KIAA0319: variants seen among roughly 807,000 people sequenced by gnomAD.
KIAA0319 encodes the protein dyslexia-associated protein KIAA0319.
Under a neutral mutation model 108.4 loss-of-function variants are expected in KIAA0319, and 83 were observed. That is an observed-to-expected ratio of 0.77 (90% CI 0.64 to 0.92). The LOEUF (loss-of-function observed/expected upper bound fraction) is 0.92, where lower values mean the gene tolerates loss of function less well. Among genes scored for constraint, KIAA0319 ranks in the 40% least tolerant of loss-of-function variants. The pLI, the probability that KIAA0319 is intolerant of heterozygous loss-of-function variation, is 0.00. For missense variants in KIAA0319, 1,195 were observed against 1,322.4 expected (o/e 0.90, Z 1.49); for synonymous variants, 484 against 510.4 (o/e 0.95, Z 0.70).
At position 24,599,855 on chromosome 6, in the gene KIAA0319, C is replaced by T; in HGVS notation, c.55+1194G>A. 2.4e-6 allele frequency: 1 copy of T among 425,116 alleles called. No homozygotes were observed. The highest frequency in any genetic ancestry group is 4.4e-6 in the Non-Finnish European group (1 of 225,422). The allele number at this position is 425,116 out of a possible 1,614,324, so 26.3% of individuals were successfully genotyped here. A position where few individuals can be genotyped will look rare whatever the true frequency, so the allele number is the denominator to read the frequency against. On this transcript the variant is annotated intron_variant, in intron 2 of 20. Transcript: ENST00000378214. The surrounding 1 kb of genome is among the most constrained non-coding windows in gnomAD (Gnocchi z 4.1). The stretch of plus-strand genomic sequence containing the variant: ...CTGCCCCAGAGCCTGTGGGGGAGGC[C>T]ACTGTGCAGGGGAGCATAGGGAACA...
intron 16 of KIAA0319, among the ~76,000 whole-genome samples, chr6:24,560,461 C>T (rs934012654): frequency 7.2e-5 from 11 of 152,180 alleles, no homozygotes; most frequent in African/African-American, 2.7e-4. Flanking sequence ...TAATGGTGAG[C>T]ACCTTTTCAT....
intron 1 of KIAA0319, among the ~76,000 whole-genome samples, chr6:24,613,405 G>A (rs1772670626): frequency 9.2e-5 from 14 of 151,840 alleles, no homozygotes; most frequent in Admixed American, 9.2e-4. Context: ...ATAGTGTTTT[G>A]TCTGGCAACT....
intron 1 of KIAA0319, among the ~76,000 whole-genome samples, chr6:24,640,166 T>G (rs1380311217): frequency 6.6e-6 from 1 of 152,160 alleles, no homozygotes; most frequent in East Asian, 1.9e-4. Context: ...TTTCAATTTT[T>G]TAAAGTAAAT....
At position 24,599,774 on chromosome 6, in the gene KIAA0319, T is replaced by C; in HGVS notation, c.55+1275A>G. 1 of 506,898 alleles carries C rather than the reference T, an allele frequency of 2.0e-6. No individual in the cohort carries two copies. Among genetic ancestry groups the C allele is most frequent in the African/African-American group, 2.0e-5 (1 of 51,144 alleles). 31.4% of individuals were successfully genotyped at this position (506,898 alleles called of 1,614,324 possible). A position where few individuals can be genotyped will look rare whatever the true frequency, so the allele number is the denominator to read the frequency against. On this transcript the variant is annotated intron_variant, in intron 2 of 20. Coordinates refer to ENST00000378214, the MANE Select transcript of KIAA0319 (RefSeq NM_014809.4). This position sits in a 1 kb window ranked among gnomAD's most constrained non-coding sequence, Gnocchi z 4.1. Reference sequence around the variant, plus strand: ...GGAAACTGGTGTCTGAGTCCTCTGATGTTCTGCCCAAGTGAATGGCCACAG... The same window carrying C: ...GGAAACTGGTGTCTGAGTCCTCTGACGTTCTGCCCAAGTGAATGGCCACAG...
intron 4 of KIAA0319, among the ~76,000 whole-genome samples, chr6:24,585,757 C>T (rs1299388014): frequency 6.6e-6 from 1 of 152,170 alleles, no homozygotes. Flanking sequence ...GTACATCTCA[C>T]ACATACTGAT....
intron 1 of KIAA0319, among the ~76,000 whole-genome samples, chr6:24,603,273 AG>A (rs1385235782): frequency 6.6e-6 from 1 of 152,198 alleles, no homozygotes; most frequent in East Asian, 1.9e-4. Context: ...GATAGAATTG[AG>A]GTTCAAAAAA....
intron 1 of KIAA0319, among the ~76,000 whole-genome samples, chr6:24,636,324 A>G (rs961069202): frequency 2.7e-4 from 41 of 152,392 alleles, no homozygotes; most frequent in African/African-American, 9.1e-4. Flanking sequence ...TGGGCATTCA[A>G]TGACCACTTT....
At chr6:24,587,265 ATT>A (rs1009239551) in intron 4 of KIAA0319, among the ~76,000 whole-genome samples, 8 of 148,302 alleles carry the variant, frequency 5.4e-5, no homozygotes, top group African/African-American at 2.0e-4. Context: ...ACTCCACACT[ATT>A]TTCTTTTTTT....
intron 1 of KIAA0319, among the ~76,000 whole-genome samples, chr6:24,635,009 T>C (rs1776015571): frequency 6.6e-6 from 1 of 152,230 alleles, no homozygotes; most frequent in African/African-American, 2.4e-5. Context: ...TTACATAAGA[T>C]AAGGTGAGCT....
chr6:24,558,401 A>ATAGG (rs1561926174), intron 17 of KIAA0319, among the ~76,000 whole-genome samples: 8 of 137,314 alleles, frequency 5.8e-5, no homozygotes, highest in African/African-American at 1.7e-4. Flanking sequence ...AGATAGATAG[A>ATAGG]TAGATATCTG....
chr6:24,618,983 G>A (rs1773538306), intron 1 of KIAA0319, among the ~76,000 whole-genome samples: 1 of 151,586 alleles, frequency 6.6e-6, no homozygotes, highest in Non-Finnish European at 1.5e-5. Flanking sequence ...AGATGAGGGA[G>A]TGAATCATGT....
At chr6:24,577,636 A>G (rs1257816611) in intron 9 of KIAA0319, among the ~76,000 whole-genome samples, 1 of 152,196 alleles carries the variant, frequency 6.6e-6, no homozygotes, top group Admixed American at 6.5e-5. Flanking sequence ...TGCAGGGAAA[A>G]GACATGTAGG....
intron 1 of KIAA0319, among the ~76,000 whole-genome samples, chr6:24,630,456 C>G (rs1300379274): frequency 7.1e-6 from 1 of 140,270 alleles, no homozygotes; most frequent in African/African-American, 2.7e-5. Context: ...TTGCAGTGAG[C>G]TGAGATTGCA....
chr6:24,601,991 A>G (rs1770689656), intron 1 of KIAA0319, among the ~76,000 whole-genome samples: 1 of 151,578 alleles, frequency 6.6e-6, no homozygotes, highest in African/African-American at 2.4e-5. Flanking sequence ...CTATGAAATA[A>G]TGATGGAATA....
intron 1 of KIAA0319, among the ~76,000 whole-genome samples, chr6:24,612,914 TCAGC>T (rs1772570053): frequency 6.6e-6 from 1 of 152,116 alleles, no homozygotes; most frequent in Non-Finnish European, 1.5e-5. Context: ...TTCTCCTGCC[TCAGC>T]CTCCCAAGTA....
At position 24,634,616 on chromosome 6, in the gene KIAA0319, T is replaced by C. The variant is rs111489837; in HGVS notation, c.-106+11120A>G. ...CACCGTGTTAGTCCCATGATTACAT[T>C]ATAGTAGATAGCAAAAGGGATTTTG... On this transcript the variant is annotated intron_variant, in intron 1 of 20. Transcript: ENST00000378214. Among the ~76,000 whole-genome samples, 884 of 152,304 alleles carry C rather than the reference T, an allele frequency of 5.8e-3. 11 individuals are homozygous for C. The highest frequency in any genetic ancestry group is 0.02 in the African/African-American group (834 of 41,560).
intron 1 of KIAA0319, among the ~76,000 whole-genome samples, chr6:24,644,351 G>C (rs1404288081): frequency 3.3e-5 from 5 of 152,100 alleles, no homozygotes; most frequent in Non-Finnish European, 7.3e-5. Flanking sequence ...CTTCTTAACT[G>C]TATGTATAGA....
chr6:24,588,756 C>T lies in KIAA0319; in HGVS notation c.831G>A (p.Pro277=), dbSNP rs145448772. The T allele has an allele frequency of 1.1e-5, 17 of 1,613,188 alleles. No homozygotes were observed. The highest frequency in any genetic ancestry group is 1.7e-5 in the Admixed American group (1 of 59,878). Residue 277 remains proline, a synonymous_variant, in exon 4 of 21, where the codon CCG becomes CCA. Transcript: ENST00000378214. ...EVLMPSHSLP[P]ASLELSSVTV... Reference sequence around the variant, plus strand: ...TGACTGAGCTGAGCTCCAGGCTTGCCGGAGGAAGACTATGGGAAGGCATTA... The same window carrying T: ...TGACTGAGCTGAGCTCCAGGCTTGCTGGAGGAAGACTATGGGAAGGCATTA...
intron 1 of KIAA0319, among the ~76,000 whole-genome samples, chr6:24,622,531 T>C (rs1470811224): frequency 2.0e-5 from 3 of 152,106 alleles, no homozygotes; most frequent in African/African-American, 4.8e-5. Flanking sequence ...AGAAAAATTA[T>C]TGGAAATTCA....
Sources: allele counts gnomAD v4.1 joint callset (sites outside exome capture counted in the v4.1 genomes callset), GRCh38; gene constraint gnomAD v4.1.1; non-coding constraint Gnocchi (gnomAD v3.1); transcripts MANE v1.5; gene names NCBI Gene and HGNC (gene_info 2026-07-23, HGNC 2026-07-21).